Variants in CORIN observed in about 807,000 individuals in gnomAD.
CORIN encodes the protein corin, serine peptidase, also known as atrial natriuretic peptide-converting enzyme.
Under a neutral mutation model 125.3 loss-of-function variants are expected in CORIN, and 117 were observed. The ratio of observed to expected loss-of-function variants is 0.93; its 90% CI spans 0.80 to 1.09. The LOEUF is 1.09. CORIN is among the 50% of genes least tolerant of loss of function. CORIN has a pLI of 0.00. For synonymous variants in CORIN, 450 were observed against 466.4 expected, an observed-to-expected ratio of 0.96 and a Z score of 0.45; for missense variants, 1,253 against 1,306.7, an observed-to-expected ratio of 0.96 and a Z score of 0.63.
chr4:47,820,966 G>C (rs777744395), intron 1 of CORIN, among the ~76,000 whole-genome samples: 1 of 152,184 alleles, frequency 6.6e-6, no homozygotes, highest in Non-Finnish European at 1.5e-5. Flanking sequence ...GCTGGGTGTG[G>C]TGGCTCACGC....
chr4:47,829,419 T>C (rs1732880010), intron 1 of CORIN, among the ~76,000 whole-genome samples: 1 of 152,216 alleles, frequency 6.6e-6, no homozygotes, highest in Non-Finnish European at 1.5e-5. Context: ...CCTCTTCATC[T>C]GGCTGTTCAT....
rs542773041 is a variant in CORIN, at chr4:47,746,436, G to A, written c.618-1853C>T. 5.3e-5 allele frequency among the ~76,000 whole-genome samples: 8 copies of A among 152,278 alleles called. No individual in the cohort carries two copies. The East Asian group carries it at 9.7e-4, about 18-fold the overall frequency. On this transcript the variant is annotated intron_variant, in intron 4 of 21. Coordinates refer to ENST00000273857, the MANE Select transcript of CORIN (RefSeq NM_006587.4). ...CACTGAGGCAATGAGAGTCAGAGCCGGGATTAGAACTCGGGCAGATTGACC... is the reference window on the plus strand; with the variant it reads ...CACTGAGGCAATGAGAGTCAGAGCCAGGATTAGAACTCGGGCAGATTGACC...
chr4:47,629,546 T>C (rs1247905290), intron 16 of CORIN, among the ~76,000 whole-genome samples: 2 of 151,896 alleles, frequency 1.3e-5, no homozygotes, highest in Non-Finnish European at 3.0e-5. Context: ...AGTTGTTTTC[T>C]TCTCCTATCA....
At chr4:47,790,411 G>A (rs1317890609) in intron 2 of CORIN, among the ~76,000 whole-genome samples, 1 of 152,138 alleles carries the variant, frequency 6.6e-6, no homozygotes, top group East Asian at 1.9e-4. Flanking sequence ...TGTGAGGCAG[G>A]AAACTGGCTA....
At chr4:47,610,218 C>T (rs550525170) in intron 19 of CORIN, among the ~76,000 whole-genome samples, 3 of 152,346 alleles carry the variant, frequency 2.0e-5, no homozygotes, top group Non-Finnish European at 4.4e-5. Flanking sequence ...TACACTCCCA[C>T]CAATGGTGTA....
rs757106498 is a variant in CORIN, at chr4:47,642,009, C to T, written c.2109G>A (p.Met703Ile). Residue 703 changes from methionine to isoleucine, a missense_variant, in exon 16 of 22, where the codon ATG (methionine) becomes ATA (isoleucine). Met to Ile is a conservative substitution (Grantham distance 10, BLOSUM62 1). Coordinates refer to ENST00000273857, the MANE Select transcript of CORIN (RefSeq NM_006587.4). ...GGTGTTCTGTGGCAGCTCTGTGAAC[C>T]ATCAGAAAGGAAGAGGAGTTCACAT... The part of the protein sequence containing the change: ...SINVNSSSFL[M>I]VHRAATEHHV... The T allele has an allele frequency of 1.9e-6, 3 of 1,613,344 alleles. No individual in the cohort carries two copies. The highest frequency in any genetic ancestry group is 2.7e-5 in the African/African-American group (2 of 74,880).
chr4:47,753,222 G>C (rs563794528), intron 4 of CORIN, among the ~76,000 whole-genome samples: 1 of 152,216 alleles, frequency 6.6e-6, no homozygotes, highest in East Asian at 1.9e-4. Flanking sequence ...TACGAACAAG[G>C]AATAGGTCAC....
chr4:47,646,278 G>GT (rs1379315185), intron 13 of CORIN, among the ~76,000 whole-genome samples: 7 of 152,064 alleles, frequency 4.6e-5, no homozygotes, highest in Admixed American at 6.6e-5. Flanking sequence ...GAGGCCATCT[G>GT]TTTTTTTAGC....
chr4:47,752,067 G>A (rs534919288), intron 4 of CORIN, among the ~76,000 whole-genome samples: 160 of 151,744 alleles, frequency 1.1e-3, no homozygotes, highest in African/African-American at 3.5e-3. Context: ...CAGTATATCC[G>A]GCTCTCCCTC....
chr4:47,812,776 C>T (rs1430924039), intron 1 of CORIN, among the ~76,000 whole-genome samples: 2 of 152,182 alleles, frequency 1.3e-5, no homozygotes, highest in Admixed American at 6.5e-5. Context: ...GTATCTAGAA[C>T]AGTACCTGAA....
chr4:47,804,686 G>C (rs555057045), intron 2 of CORIN, among the ~76,000 whole-genome samples: 1 of 133,596 alleles, frequency 7.5e-6, no homozygotes, highest in Non-Finnish European at 1.6e-5. Context: ...ACAGAGAATA[G>C]ATGGATGGTT....
At chr4:47,661,353 G>A (rs1724240616) in intron 12 of CORIN, 1 of 166,022 alleles carries the variant, frequency 6.0e-6, no homozygotes, top group Non-Finnish European at 1.3e-5. Flanking sequence ...GTAACATAAA[G>A]AAAGGATAAA....
At chr4:47,614,193 T>TG in intron 19 of CORIN, among the ~76,000 whole-genome samples, 1 of 152,034 alleles carries the variant, frequency 6.6e-6, no homozygotes, top group East Asian at 1.9e-4. Context: ...AATTTCTTTT[T>TG]TTGTTGTTGT....
At chr4:47,746,128 T>G (rs1399628753) in intron 4 of CORIN, among the ~76,000 whole-genome samples, 1 of 152,226 alleles carries the variant, frequency 6.6e-6, no homozygotes, top group African/African-American at 2.4e-5. Flanking sequence ...AAAGGATCAC[T>G]TAAATAACAC....
intron 3 of CORIN, among the ~76,000 whole-genome samples, chr4:47,776,145 G>A (rs1227248718): frequency 4.0e-5 from 6 of 150,828 alleles, no homozygotes; most frequent in Non-Finnish European, 8.9e-5. Flanking sequence ...TCAGCCTCCC[G>A]AGTAGCTGGG....
At chr4:47,628,187 A>G (rs1722655407) in intron 16 of CORIN, among the ~76,000 whole-genome samples, 1 of 152,214 alleles carries the variant, frequency 6.6e-6, no homozygotes, top group South Asian at 2.1e-4. Context: ...TTTCAGCACC[A>G]GAAATGTCAT....
intron 2 of CORIN, among the ~76,000 whole-genome samples, chr4:47,798,706 A>G (rs927625622): frequency 1.3e-5 from 2 of 152,100 alleles, no homozygotes; most frequent in Non-Finnish European, 2.9e-5. Flanking sequence ...TATAAATTTC[A>G]ACTTTTATTT....
intron 1 of CORIN, among the ~76,000 whole-genome samples, chr4:47,814,225 C>T (rs1732172384): frequency 6.6e-6 from 1 of 152,144 alleles, no homozygotes. Context: ...CAGAAGCTCC[C>T]TCTAAACACT....
At position 47,640,183 on chromosome 4, in the gene CORIN, T is replaced by C. The variant is rs1165627914; in HGVS notation, c.2198+1737A>G. 2.0e-5 allele frequency among the ~76,000 whole-genome samples: 3 copies of C among 152,160 alleles called. No individual in the cohort carries two copies. The East Asian group carries it at 5.8e-4, about 29-fold the overall frequency. On this transcript the variant is annotated intron_variant, in intron 16 of 21. Coordinates refer to ENST00000273857, the MANE Select transcript of CORIN (RefSeq NM_006587.4). ...TCATTTTCCAGCTATGTTGAGAAAA[T>C]GGAGCAAATGGAGTACATAATTTTT...
Sources: allele counts gnomAD v4.1 joint callset (sites outside exome capture counted in the v4.1 genomes callset), GRCh38; gene constraint gnomAD v4.1.1; transcripts MANE v1.5; gene names NCBI Gene and HGNC (gene_info 2026-07-23, HGNC 2026-07-21).